The following SH3RF3 variants were observed in gnomAD, a reference collection of about 807,000 sequenced individuals.
SH3RF3 encodes the protein E3 ubiquitin-protein ligase SH3RF3.
Under a neutral mutation model 66.3 loss-of-function variants are expected in SH3RF3, and 29 were observed. That is an observed-to-expected ratio of 0.44 (90% CI 0.33 to 0.60). The LOEUF (loss-of-function observed/expected upper bound fraction) is 0.60, where lower values mean the gene tolerates loss of function less well. SH3RF3 is among the 20% of genes least tolerant of loss of function. The pLI, the probability that SH3RF3 is intolerant of heterozygous loss-of-function variation, is 0.04. For missense variants in SH3RF3, 1,194 were observed against 1,190.9 expected (o/e 1.00, Z -0.04); for synonymous variants, 583 against 532.0 (o/e 1.10, Z -1.32).
chr2:109,333,531 T>G (rs1682335923), intron 1 of SH3RF3, among the ~76,000 whole-genome samples: 2 of 152,200 alleles, frequency 1.3e-5, no homozygotes, highest in Non-Finnish European at 2.9e-5. Flanking sequence ...TAAGTAAAGT[T>G]TTATTGGAAC....
At chr2:109,336,778 A>G (rs1682432302) in intron 1 of SH3RF3, among the ~76,000 whole-genome samples, 2 of 152,230 alleles carry the variant, frequency 1.3e-5, no homozygotes, top group South Asian at 4.1e-4. Flanking sequence ...GTAACTAAAT[A>G]TCTGGAGTTA....
intron 4 of SH3RF3, among the ~76,000 whole-genome samples, chr2:109,404,230 T>C (rs749466964): frequency 6.6e-6 from 1 of 152,124 alleles, no homozygotes; most frequent in African/African-American, 2.4e-5. Flanking sequence ...GCCTGAAATA[T>C]CCACTGTCAA....
At chr2:109,405,451 C>T (rs891774067) in intron 4 of SH3RF3, among the ~76,000 whole-genome samples, 1 of 152,158 alleles carries the variant, frequency 6.6e-6, no homozygotes, top group Admixed American at 6.5e-5. Flanking sequence ...CTCCAGCTCC[C>T]GGCAGCACTG....
intron 1 of SH3RF3, among the ~76,000 whole-genome samples, chr2:109,236,759 C>T (rs1679658768): frequency 6.6e-6 from 1 of 152,162 alleles, no homozygotes; most frequent in Non-Finnish European, 1.5e-5. Context: ...CAAACTGGTG[C>T]TGCCCTGAAG....
In SH3RF3 at chr2:109,501,748, A is replaced by G; in HGVS notation, c.*77A>G. 4.4e-6 allele frequency: 3 copies of G among 678,256 alleles called. No homozygotes were observed. In the East Asian group the frequency reaches 8.1e-5, roughly 18 times the overall value. 42.0% of individuals were successfully genotyped at this position (678,256 alleles called of 1,614,324 possible). A position where few individuals can be genotyped will look rare whatever the true frequency, so the allele number is the denominator to read the frequency against. Reference sequence around the variant, plus strand: ...CTCCACGGCACACAGAGAGGGAGCCATGGCGCCCCAAGGGTTCCAGGTCAT... The same window carrying G: ...CTCCACGGCACACAGAGAGGGAGCCGTGGCGCCCCAAGGGTTCCAGGTCAT... On this transcript the variant is annotated 3_prime_UTR_variant, in exon 10 of 10. Coordinates refer to ENST00000309415, the MANE Select transcript of SH3RF3 (RefSeq NM_001099289.3).
intron 4 of SH3RF3, among the ~76,000 whole-genome samples, chr2:109,412,063 C>T (rs1161238583): frequency 6.6e-6 from 1 of 152,220 alleles, no homozygotes; most frequent in Non-Finnish European, 1.5e-5. Flanking sequence ...CCCGAGCCTC[C>T]TGACACCGAG....
intron 1 of SH3RF3, among the ~76,000 whole-genome samples, chr2:109,235,746 CAA>C (rs1413444929): frequency 6.6e-6 from 1 of 152,234 alleles, no homozygotes; most frequent in African/African-American, 2.4e-5. Context: ...GCTCTGATGA[CAA>C]CACTTGTTAG....
At chr2:109,380,936 G>C (rs1374898481) in intron 3 of SH3RF3, among the ~76,000 whole-genome samples, 1 of 152,260 alleles carries the variant, frequency 6.6e-6, no homozygotes, top group African/African-American at 2.4e-5. Context: ...TTGCCAGAAA[G>C]AAGCTGCATG....
chr2:109,491,934 G>A (rs1679140446), intron 9 of SH3RF3, among the ~76,000 whole-genome samples: 1 of 152,156 alleles, frequency 6.6e-6, no homozygotes. Flanking sequence ...TGCCAGGTGG[G>A]GAATGAGACG....
chr2:109,400,161 C>T (rs1192860554), intron 4 of SH3RF3, among the ~76,000 whole-genome samples: 1 of 152,164 alleles, frequency 6.6e-6, no homozygotes, highest in Non-Finnish European at 1.5e-5. Flanking sequence ...TGGAGAAGGG[C>T]CATGTAATCT....
intron 1 of SH3RF3, among the ~76,000 whole-genome samples, chr2:109,329,488 C>T: frequency 6.6e-6 from 1 of 152,210 alleles, no homozygotes; most frequent in East Asian, 1.9e-4. Flanking sequence ...CGGTGTCTTT[C>T]CCTCTGTGCT....
intron 2 of SH3RF3, among the ~76,000 whole-genome samples, chr2:109,366,707 G>T (rs1683157317): frequency 6.6e-6 from 1 of 152,096 alleles, no homozygotes; most frequent in South Asian, 2.1e-4. Flanking sequence ...AACAAAATTA[G>T]CTGCGTGTGG....
intron 1 of SH3RF3, among the ~76,000 whole-genome samples, chr2:109,255,835 G>A (rs1485132749): frequency 6.6e-6 from 1 of 152,216 alleles, no homozygotes; most frequent in Admixed American, 6.5e-5. Context: ...AATAGGCCGA[G>A]TTTTCAGAAA....
chr2:109,218,777 T>C (rs1464248818), intron 1 of SH3RF3, among the ~76,000 whole-genome samples: 1 of 152,198 alleles, frequency 6.6e-6, no homozygotes, highest in Admixed American at 6.5e-5. Context: ...TCTGACTATA[T>C]TTGCTGTTTC....
At chr2:109,213,697 C>T (rs1036499938) in intron 1 of SH3RF3, among the ~76,000 whole-genome samples, 3 of 152,186 alleles carry the variant, frequency 2.0e-5, no homozygotes, top group African/African-American at 7.2e-5. Context: ...TCATCTGTCA[C>T]GTGTCAGAGC....
At chr2:109,327,434 T>G (rs116295245) in intron 1 of SH3RF3, among the ~76,000 whole-genome samples, 394 of 152,354 alleles carry the variant, frequency 2.6e-3, no homozygotes, top group Non-Finnish European at 4.6e-3. Flanking sequence ...TTTAAAGCTT[T>G]GATATTTTAG....
intron 4 of SH3RF3, among the ~76,000 whole-genome samples, chr2:109,408,675 G>A (rs1342257443): frequency 6.6e-6 from 1 of 152,212 alleles, no homozygotes; most frequent in African/African-American, 2.4e-5. Flanking sequence ...ATGGATAGAC[G>A]GACACACTGA....
chr2:109,397,673 T>C (rs1442213290), intron 3 of SH3RF3, among the ~76,000 whole-genome samples: 1 of 152,176 alleles, frequency 6.6e-6, no homozygotes, highest in Non-Finnish European at 1.5e-5. Context: ...TCACAGCTGG[T>C]ACCTCCCCAG....
At chr2:109,382,365 C>G (rs922293163) in intron 3 of SH3RF3, among the ~76,000 whole-genome samples, 3 of 142,202 alleles carry the variant, frequency 2.1e-5, no homozygotes, top group African/African-American at 7.4e-5. Context: ...GGGGCTGACT[C>G]AGCCTGGGGC....
Sources: allele counts gnomAD v4.1 joint callset (sites outside exome capture counted in the v4.1 genomes callset), GRCh38; gene constraint gnomAD v4.1.1; transcripts MANE v1.5; gene names NCBI Gene and HGNC (gene_info 2026-07-23, HGNC 2026-07-21).